Variants in PXDNL observed in about 807,000 individuals in gnomAD.
PXDNL encodes the protein peroxidasin like.
Under a neutral mutation model 150.8 loss-of-function variants are expected in PXDNL, and 145 were observed. That is an observed-to-expected ratio of 0.96 (90% CI 0.84 to 1.10). The LOEUF is 1.10. PXDNL is among the 50% of genes least tolerant of loss of function. PXDNL has a pLI of 0.00. For synonymous variants in PXDNL, 757 were observed against 725.7 expected, an observed-to-expected ratio of 1.04 and a Z score of -0.69; for missense variants, 2,087 against 1,873.9, an observed-to-expected ratio of 1.11 and a Z score of -2.10.
At chr8:51,685,718 T>A (rs1426686833) in intron 1 of PXDNL, among the ~76,000 whole-genome samples, 3 of 152,346 alleles carry the variant, frequency 2.0e-5, no homozygotes, top group Non-Finnish European at 2.9e-5. Context: ...TGCCTTCCTC[T>A]TGAAGTCTCA....
chr8:51,545,358 T>C (rs1812334348), intron 4 of PXDNL, among the ~76,000 whole-genome samples: 1 of 152,216 alleles, frequency 6.6e-6, no homozygotes, highest in Non-Finnish European at 1.5e-5. Flanking sequence ...TTCAGCAATA[T>C]AGTAAAAATT....
intron 17 of PXDNL, among the ~76,000 whole-genome samples, chr8:51,406,739 G>A (rs1055486975): frequency 2.6e-5 from 4 of 152,034 alleles, no homozygotes; most frequent in African/African-American, 7.2e-5. Flanking sequence ...GCATTTAATC[G>A]CGACTTCTAC....
At chr8:51,736,528 T>C (rs1279443341) in intron 1 of PXDNL, among the ~76,000 whole-genome samples, 2 of 152,248 alleles carry the variant, frequency 1.3e-5, no homozygotes, top group Admixed American at 6.5e-5. Flanking sequence ...CCAATGAGAA[T>C]GCCTGTCAAA....
At chr8:51,428,937 C>T (rs75216210) in intron 12 of PXDNL, among the ~76,000 whole-genome samples, 2,664 of 19,214 alleles carry the variant, frequency 0.14, 55 homozygotes, top group South Asian at 0.42. Flanking sequence ...TTGCAAACCA[C>T]ATATGCAGAA....
chr8:51,439,195 C>T (rs537319817), intron 12 of PXDNL, among the ~76,000 whole-genome samples: 3 of 152,096 alleles, frequency 2.0e-5, no homozygotes, highest in African/African-American at 7.2e-5. Flanking sequence ...GACTAATATC[C>T]AGAATCTACA....
intron 13 of PXDNL, among the ~76,000 whole-genome samples, chr8:51,426,412 C>G (rs1467508648): frequency 6.6e-6 from 1 of 151,664 alleles, no homozygotes; most frequent in Non-Finnish European, 1.5e-5. Flanking sequence ...TGTTCATCAC[C>G]AGGCAAATTA....
chr8:51,684,315 T>A, intron 1 of PXDNL, among the ~76,000 whole-genome samples: 1 of 152,222 alleles, frequency 6.6e-6, no homozygotes, highest in Non-Finnish European at 1.5e-5. Flanking sequence ...ACCATGAACA[T>A]GTGTCCCAGC....
intron 1 of PXDNL, among the ~76,000 whole-genome samples, chr8:51,690,940 A>T (rs1815983257): frequency 6.6e-6 from 1 of 151,886 alleles, no homozygotes; most frequent in Non-Finnish European, 1.5e-5. Context: ...GCATTTTTTC[A>T]TGTGTCTTTT....
Position 51,446,460 on chromosome 8 carries a change from T to C in PXDNL, c.1525+544A>G, listed in dbSNP as rs373707893. Among the ~76,000 whole-genome samples the C allele has an allele frequency of 1.2e-4, 19 of 152,364 alleles. No individual in the cohort carries two copies. In the East Asian group the frequency reaches 3.3e-3, roughly 26 times the overall value. The stretch of plus-strand genomic sequence containing the variant: ...ATTTTTCATTTTTATATTGGAATTA[T>C]CTTTAAAAATTCAAATCTTGATTTT... On this transcript the variant is annotated intron_variant, in intron 12 of 22. Transcript: ENST00000356297.
chr8:51,613,501 G>A (rs112285751), intron 2 of PXDNL, among the ~76,000 whole-genome samples: 21,006 of 144,884 alleles, frequency 0.14, 1,882 homozygotes, highest in Admixed American at 0.24. Flanking sequence ...GGGGCAGGGC[G>A]GCAGAGGGGG....
intron 1 of PXDNL, among the ~76,000 whole-genome samples, chr8:51,705,847 G>A (rs75746873): frequency 0.69 from 104,901 of 151,382 alleles, 37,168 homozygotes; most frequent in East Asian, 0.82. Context: ...GCGCGCGCGC[G>A]CGCGCGTGCA....
At position 51,423,723 on chromosome 8, in the gene PXDNL, C is replaced by A. The variant is rs1369081257; in HGVS notation, c.1647G>T (p.Val549=). ...GGAATTTACCACTCTCAGTAATCTG[C>A]ACACCTTCCTAGGGAGCAAAAAAGA... ...QPIITWNKEG[V]QITESGKFHV... The change falls in exon 14 of 23, where the codon GTG becomes GTT. Residue 549 remains valine (V), a synonymous_variant. Transcript: ENST00000356297. 6.2e-7 allele frequency: 1 copy of A among 1,612,968 alleles called. No homozygotes were observed. The highest frequency in any genetic ancestry group is 1.1e-5 in the South Asian group (1 of 91,022).
chr8:51,358,424 T>C (rs1806589594), intron 19 of PXDNL, among the ~76,000 whole-genome samples: 1 of 152,226 alleles, frequency 6.6e-6, no homozygotes, highest in African/African-American at 2.4e-5. Context: ...AGATCAAAAC[T>C]GGTTTTCTCA....
At chr8:51,343,265 G>A (rs776721787) in intron 20 of PXDNL, among the ~76,000 whole-genome samples, 38 of 152,100 alleles carry the variant, frequency 2.5e-4, no homozygotes, top group Non-Finnish European at 3.2e-4. Flanking sequence ...AATTACAACC[G>A]CAATTCTTTG....
At chr8:51,804,201 G>T (rs1386989440) in intron 1 of PXDNL, among the ~76,000 whole-genome samples, 3 of 152,260 alleles carry the variant, frequency 2.0e-5, no homozygotes, top group Admixed American at 2.0e-4. Flanking sequence ...GTGGGGAGGG[G>T]GCTTCTAGGT....
chr8:51,541,781 C>G (rs1170729705), intron 4 of PXDNL, among the ~76,000 whole-genome samples: 1 of 152,124 alleles, frequency 6.6e-6, no homozygotes, highest in Non-Finnish European at 1.5e-5. Flanking sequence ...TGGAAAACAC[C>G]AGAGAAAACT....
intron 1 of PXDNL, among the ~76,000 whole-genome samples, chr8:51,671,744 T>C (rs556022946): frequency 5.9e-5 from 9 of 152,226 alleles, no homozygotes; most frequent in African/African-American, 2.2e-4. Context: ...CACTCTCCTT[T>C]ATCCCAAATT....
intron 1 of PXDNL, among the ~76,000 whole-genome samples, chr8:51,679,779 C>G (rs1815702570): frequency 6.6e-6 from 1 of 152,100 alleles, no homozygotes; most frequent in South Asian, 2.1e-4. Flanking sequence ...TTGCACAGAA[C>G]AATGGCCTGA....
rs1302286708 is a variant in PXDNL, at chr8:51,423,623, G to A, written c.1747C>T (p.Arg583Trp). 5.0e-6 allele frequency: 8 copies of A among 1,613,678 alleles called. No individual in the cohort carries two copies. The highest frequency in any genetic ancestry group is 3.3e-5 in the Admixed American group (2 of 59,984). ...PDQGRYECVA[R>W]NSFGLAVTNM... ...GTCACAGCAAGGCCAAAAGAATTCCGAGCCACACATTCATATCTTCCCTGG... is the reference window on the plus strand; with the variant it reads ...GTCACAGCAAGGCCAAAAGAATTCCAAGCCACACATTCATATCTTCCCTGG... Residue 583 changes from arginine (R) to tryptophan (W), a missense_variant, in exon 14 of 23, where the codon CGG (arginine) becomes TGG (tryptophan). Coordinates refer to ENST00000356297, the MANE Select transcript of PXDNL (RefSeq NM_144651.5).
Sources: allele counts gnomAD v4.1 joint callset (sites outside exome capture counted in the v4.1 genomes callset), GRCh38; gene constraint gnomAD v4.1.1; transcripts MANE v1.5; gene names NCBI Gene and HGNC (gene_info 2026-07-23, HGNC 2026-07-21).